Variants in MYO16 observed in about 807,000 individuals in gnomAD.
MYO16 encodes the protein myosin XVI, also known as unconventional myosin-XVI.
A neutral mutation model predicts 205.3 loss-of-function variants in MYO16; 94 were observed. That is an observed-to-expected ratio of 0.46 (90% CI 0.39 to 0.54). The LOEUF is 0.54. MYO16 is among the 20% of genes least tolerant of loss of function. The probability of loss-of-function intolerance (pLI) is 0.00; values close to 1 mark genes in which losing one functional copy is unlikely to be tolerated. For missense variants in MYO16, 2,315 were observed against 2,387.5 expected (o/e 0.97, Z 0.63); for synonymous variants, 988 against 954.0 (o/e 1.04, Z -0.66).
intron 1 of MYO16, among the ~76,000 whole-genome samples, chr13:108,636,713 A>G (rs1158844409): frequency 1.3e-5 from 2 of 151,854 alleles, no homozygotes; most frequent in Non-Finnish European, 2.9e-5. Flanking sequence ...TTTTGTTTTT[A>G]CAAATGCACC....
intron 11 of MYO16, among the ~76,000 whole-genome samples, chr13:108,863,805 A>C (rs1878572054): frequency 6.6e-6 from 1 of 152,154 alleles, no homozygotes; most frequent in South Asian, 2.1e-4. Context: ...GTGAAGCCTA[A>C]GTTTTCTTTG....
At chr13:108,634,874 A>T (rs904471533) in intron 1 of MYO16, among the ~76,000 whole-genome samples, 3 of 152,076 alleles carry the variant, frequency 2.0e-5, no homozygotes, top group Non-Finnish European at 4.4e-5. Context: ...AGCATCATCT[A>T]TATTTTCCCA....
In MYO16 at chr13:108,844,370, G is replaced by C. The variant is rs1877403569; in HGVS notation, c.1125G>C (p.Lys375Asn). 3.7e-6 allele frequency: 6 copies of C among 1,612,864 alleles called. No homozygotes were observed. Among genetic ancestry groups the C allele is most frequent in the Non-Finnish European group, 5.1e-6 (6 of 1,179,234 alleles). The change falls in exon 10 of 35, where the codon AAG (lysine) becomes AAC (asparagine). Residue 375 changes from lysine (K) to asparagine (N), a missense_variant. Around this residue, in one of 3 missense-constraint regions of MYO16, gnomAD observed 1,213 missense variants for 1,274.4 expected, o/e 0.95. Transcript: ENST00000457511. Reference protein sequence around the residue: ...KLSPLVLPIAKQDSLLEKDIM... With the variant: ...KLSPLVLPIANQDSLLEKDIM... Reference sequence around the variant, plus strand: ...GTCCCCTGGTGTTACCAATTGCCAAGCAAGACAGTTTGTTGGAAAAAGACA... The same window carrying C: ...GTCCCCTGGTGTTACCAATTGCCAACCAAGACAGTTTGTTGGAAAAAGACA...
At chr13:108,530,294 T>C in the MYO16 span, among the ~76,000 whole-genome samples, 1 of 152,138 alleles carries the variant, frequency 6.6e-6, no homozygotes, top group Non-Finnish European at 1.5e-5. Context: ...AAAGAGGAGA[T>C]GTAGCATTAA....
intron 3 of MYO16, among the ~76,000 whole-genome samples, chr13:108,721,171 G>C (rs1259943750): frequency 2.0e-5 from 3 of 152,202 alleles, no homozygotes; most frequent in African/African-American, 7.2e-5. Flanking sequence ...TACAAGAGAA[G>C]CTGTGAACTG....
Position 109,100,894 on chromosome 13 carries a change from G to T in MYO16, c.3438+7G>T. 6.2e-7 allele frequency: 1 copy of T among 1,607,868 alleles called. No individual in the cohort carries two copies. Among genetic ancestry groups the T allele is most frequent in the South Asian group, 1.1e-5 (1 of 90,852 alleles). Reference sequence around the variant, plus strand: ...TAAATTACAAGGCTGGCAGGTTGGTGACCTACAAGCTATGAAAATAACATT... The same window carrying T: ...TAAATTACAAGGCTGGCAGGTTGGTTACCTACAAGCTATGAAAATAACATT... On this transcript the variant is annotated splice_region_variant and intron_variant, in intron 28 of 34. Coordinates refer to ENST00000457511, the MANE Select transcript of MYO16 (RefSeq NM_001198950.3).
chr13:108,862,220 A>C (rs557926332), intron 11 of MYO16, among the ~76,000 whole-genome samples: 47 of 152,318 alleles, frequency 3.1e-4, no homozygotes, highest in African/African-American at 1.1e-3. Context: ...TGAAAGAATA[A>C]AATTCTGAAT....
At chr13:109,193,669 T>C (rs1261364076) in intron 34 of MYO16, among the ~76,000 whole-genome samples, 1 of 152,166 alleles carries the variant, frequency 6.6e-6, no homozygotes, top group African/African-American at 2.4e-5. Flanking sequence ...GAAAGTATCC[T>C]TCTACTTGAG....
chr13:108,508,290 G>A, the MYO16 span, among the ~76,000 whole-genome samples: 1 of 151,538 alleles, frequency 6.6e-6, no homozygotes, highest in Non-Finnish European at 1.5e-5. Context: ...AGTCTTTATG[G>A]ACTAGCTTTA....
chr13:108,896,957 C>T (rs1160481246), intron 14 of MYO16, among the ~76,000 whole-genome samples: 1 of 151,988 alleles, frequency 6.6e-6, no homozygotes, highest in African/African-American at 2.4e-5. Flanking sequence ...GATCACATCA[C>T]TGCACTCCAG....
At chr13:108,852,865 C>T (rs1254747404) in intron 10 of MYO16, among the ~76,000 whole-genome samples, 2 of 152,188 alleles carry the variant, frequency 1.3e-5, no homozygotes, top group Non-Finnish European at 2.9e-5. Flanking sequence ...AAAGCAGCTT[C>T]ATGATGTTAA....
intron 20 of MYO16, among the ~76,000 whole-genome samples, chr13:108,967,736 C>T (rs2139380999): frequency 6.6e-6 from 1 of 152,268 alleles, no homozygotes; most frequent in Non-Finnish European, 1.5e-5. Flanking sequence ...TTGCTTAAAA[C>T]TTTGTTGTTC....
chr13:108,624,342 G>T (rs1208850395), intron 1 of MYO16, among the ~76,000 whole-genome samples: 2 of 152,020 alleles, frequency 1.3e-5, no homozygotes, highest in Non-Finnish European at 2.9e-5. Context: ...GCCTATTCCT[G>T]GTAACTGGTT....
intron 4 of MYO16, among the ~76,000 whole-genome samples, chr13:108,737,717 GCTC>G (rs1267825462): frequency 1.3e-5 from 2 of 152,168 alleles, no homozygotes; most frequent in African/African-American, 4.8e-5. Flanking sequence ...AATGGTACCA[GCTC>G]CTCCTTGTAC....
At position 108,899,124 on chromosome 13, in the gene MYO16, A is replaced by G. The variant is rs751583688; in HGVS notation, c.1777+991A>G. ...CTACTAATAAAATGTGATAAATAAC[A>G]TGCATAAAAACAGTATGAGCCTGGT... On this transcript the variant is annotated intron_variant, in intron 15 of 34. Coordinates refer to ENST00000457511, the MANE Select transcript of MYO16 (RefSeq NM_001198950.3). 3.9e-5 allele frequency among the ~76,000 whole-genome samples: 6 copies of G among 152,314 alleles called. No individual in the cohort carries two copies. The East Asian group carries it at 7.7e-4, about 20-fold the overall frequency.
chr13:108,743,278 T>C (rs1288112007), intron 4 of MYO16, among the ~76,000 whole-genome samples: 3 of 152,194 alleles, frequency 2.0e-5, no homozygotes, highest in Non-Finnish European at 4.4e-5. Flanking sequence ...GGGGTGGAAG[T>C]AATTTGATAC....
intron 27 of MYO16, among the ~76,000 whole-genome samples, chr13:109,096,766 G>A (rs1888790593): frequency 6.6e-6 from 1 of 152,100 alleles, no homozygotes; most frequent in South Asian, 2.1e-4. Context: ...CACACACTTT[G>A]AGGAGAGGTC....
At chr13:108,693,885 A>G (rs1882993118) in intron 2 of MYO16, among the ~76,000 whole-genome samples, 1 of 152,010 alleles carries the variant, frequency 6.6e-6, no homozygotes, top group African/African-American at 2.4e-5. Context: ...AGTTGGCCCC[A>G]GTGTCTGTTT....
intron 1 of MYO16, among the ~76,000 whole-genome samples, chr13:108,602,427 A>T (rs1878799493): frequency 1.3e-5 from 2 of 152,176 alleles, no homozygotes; most frequent in Admixed American, 1.3e-4. Context: ...GATCTTGAAC[A>T]TGTGTAGATT....
Sources: allele counts gnomAD v4.1 joint callset (sites outside exome capture counted in the v4.1 genomes callset), GRCh38; gene constraint gnomAD v4.1.1; regional missense constraint gnomAD v4.1.1; transcripts MANE v1.5; gene names NCBI Gene and HGNC (gene_info 2026-07-23, HGNC 2026-07-21).